Variants in TENT4B observed in about 807,000 individuals in gnomAD.
TENT4B encodes PAP associated domain containing 5.
A neutral mutation model predicts 75.0 loss-of-function variants in TENT4B; 10 were observed. That is an observed-to-expected ratio of 0.13 (90% CI 0.08 to 0.23). The LOEUF is 0.23. Among genes scored for constraint, TENT4B ranks in the 10% least tolerant of loss-of-function variants. The pLI is 1.00. For missense variants in TENT4B, 579 were observed against 893.8 expected (o/e 0.65, Z 4.49); for synonymous variants, 350 against 357.7 (o/e 0.98, Z 0.24).
chr16:50,158,191 A>C (rs1248742400), intron 1 of TENT4B, among the ~76,000 whole-genome samples: 1 of 152,108 alleles, frequency 6.6e-6, no homozygotes, highest in East Asian at 1.9e-4. Context: ...GGTTCGAGCA[A>C]TTCTCCTGCC....
chr16:50,166,237 A>G (rs939148377), intron 1 of TENT4B, among the ~76,000 whole-genome samples: 1 of 152,028 alleles, frequency 6.6e-6, no homozygotes, highest in Non-Finnish European at 1.5e-5. Context: ...GGCGCATGTC[A>G]CCATGCCTGG....
At chr16:50,152,913 C>A (rs1483148527), upstream of TENT4B, 1 of 1,464,380 alleles carries the variant, frequency 6.8e-7, no homozygotes, top group South Asian at 1.3e-5. Context: ...GGAGTGGCAC[C>A]TCCCACAACG....
intron 1 of TENT4B, among the ~76,000 whole-genome samples, chr16:50,182,994 T>G (rs888749239): frequency 7.0e-6 from 1 of 142,936 alleles, no homozygotes; most frequent in Non-Finnish European, 1.5e-5. Context: ...GCTGGGATTA[T>G]AGGTGTGCAG....
chr16:50,190,117 A>G (rs369007877), intron 1 of TENT4B, among the ~76,000 whole-genome samples: 1 of 151,384 alleles, frequency 6.6e-6, no homozygotes, highest in East Asian at 1.9e-4. Context: ...AGAAAGAAAG[A>G]AATGTATTTT....
intron 1 of TENT4B, among the ~76,000 whole-genome samples, chr16:50,159,209 T>G (rs1217486423): frequency 1.3e-5 from 2 of 151,656 alleles, no homozygotes; most frequent in Non-Finnish European, 2.9e-5. Context: ...TTTCTCTCTC[T>G]CTCTCGCTCT....
chr16:50,232,638 C>T lies in TENT4B; in HGVS notation c.*3310C>T, dbSNP rs901257666. 6 of 985,114 alleles carry T rather than the reference C, an allele frequency of 6.1e-6. No homozygotes were observed. Among genetic ancestry groups the T allele is most frequent in the African/African-American group, 1.7e-5 (1 of 57,158 alleles). 61.0% of individuals were successfully genotyped at this position (985,114 alleles called of 1,614,324 possible). On this transcript the variant is annotated 3_prime_UTR_variant, in exon 12 of 12. Coordinates refer to ENST00000561678, the MANE Select transcript of TENT4B (RefSeq NM_001365324.3). ...CAGAAAAGAGTAATGACCACCGTGACGTGCAGGATTCTCTTGCTGTGACAT... is the reference window on the plus strand; with the variant it reads ...CAGAAAAGAGTAATGACCACCGTGATGTGCAGGATTCTCTTGCTGTGACAT...
chr16:50,160,326 CTT>C (rs1449779178), intron 1 of TENT4B, among the ~76,000 whole-genome samples: 1 of 151,924 alleles, frequency 6.6e-6, no homozygotes, highest in Non-Finnish European at 1.5e-5. Flanking sequence ...TTTGTGGACT[CTT>C]TTTTAACACT....
intron 1 of TENT4B, among the ~76,000 whole-genome samples, chr16:50,185,908 A>G (rs1166250049): frequency 1.3e-5 from 2 of 152,020 alleles, no homozygotes; most frequent in African/African-American, 4.8e-5. Context: ...TTAGTACACT[A>G]TTGTCTGTAT....
At chr16:50,225,421 T>A in intron 10 of TENT4B, 136 bp downstream of exon 10, 2 of 889,948 alleles carry the variant, frequency 2.2e-6, no homozygotes, top group African/African-American at 1.7e-5. Context: ...TTCATGCTTG[T>A]ACATTTTCTC....
At chr16:50,217,526 A>G (rs2031621668) in intron 4 of TENT4B, 30 bp from the exon 5 acceptor site, 2 of 1,217,636 alleles carry the variant, frequency 1.6e-6, no homozygotes, top group African/African-American at 3.1e-5. Flanking sequence ...TGGTTAAAGC[A>G]TTTACATTTT....
chr16:50,172,277 A>C (rs2038220240), intron 1 of TENT4B, among the ~76,000 whole-genome samples: 1 of 151,660 alleles, frequency 6.6e-6, no homozygotes. Flanking sequence ...ATTGGGAGGC[A>C]GAGGTTGCAG....
chr16:50,200,697 C>T (rs1451415695), intron 1 of TENT4B, among the ~76,000 whole-genome samples: 2 of 152,042 alleles, frequency 1.3e-5, no homozygotes, highest in African/African-American at 4.8e-5. Context: ...TTTAGGTCTT[C>T]TGCCCATTTT....
rs1473265655 is a variant in TENT4B at position 50,233,589 on chromosome 16, GGCT to G, written c.*4266_*4268del. 13 of 983,472 alleles carry G rather than the reference GGCT, an allele frequency of 1.3e-5. No homozygotes were observed. The highest frequency in any genetic ancestry group is 1.4e-5 in the Non-Finnish European group (12 of 828,516). 60.9% of individuals were successfully genotyped at this position (983,472 alleles called of 1,614,324 possible). ...ATTAACCAGAAAAATTGCTTATAAA[GGCT>G]GCTGATCTATTTGATACCTAGAATT... On this transcript the variant is annotated 3_prime_UTR_variant, in exon 12 of 12. Transcript: ENST00000561678.
chr16:50,203,645 T>G (rs1380093932), intron 1 of TENT4B, among the ~76,000 whole-genome samples: 1 of 151,946 alleles, frequency 6.6e-6, no homozygotes, highest in Non-Finnish European at 1.5e-5. Flanking sequence ...GTCCTCCTTC[T>G]GGTTTTGTCA....
intron 1 of TENT4B, among the ~76,000 whole-genome samples, chr16:50,158,101 T>G (rs1003141049): frequency 2.0e-5 from 3 of 149,926 alleles, no homozygotes; most frequent in Admixed American, 2.0e-4. Context: ...ATGAATGAAT[T>G]AATGAGAGGG....
In TENT4B at chr16:50,233,642, T is replaced by TA. The variant is rs2032361807; in HGVS notation, c.*4316dup. The TA allele has an allele frequency of 1.0e-6, 1 of 983,606 alleles. No individual in the cohort carries two copies. The highest frequency in any genetic ancestry group is 1.7e-5 in the African/African-American group (1 of 57,340). 60.9% of individuals were successfully genotyped at this position (983,606 alleles called of 1,614,324 possible). ...TAAATATTTGAGGACAGTTTTTAGTTAATAAACTGCTAATGTTTATTTTAC... is the reference window on the plus strand; with the variant it reads ...TAAATATTTGAGGACAGTTTTTAGTTAAATAAACTGCTAATGTTTATTTTAC... On this transcript the variant is annotated 3_prime_UTR_variant, in exon 12 of 12. Coordinates refer to ENST00000561678, the MANE Select transcript of TENT4B (RefSeq NM_001365324.3).
rs190250198 is a variant in TENT4B, at chr16:50,195,559, T to G, written c.639-15764T>G. Among the ~76,000 whole-genome samples, 287 of 152,350 alleles carry G rather than the reference T, an allele frequency of 1.9e-3. 2 individuals are homozygous for G. The highest frequency in any genetic ancestry group is 6.0e-3 in the African/African-American group (249 of 41,582). On this transcript the variant is annotated intron_variant, in intron 1 of 11. Transcript: ENST00000561678. Reference sequence around the variant, plus strand: ...ACTGGACAATTATGGGTGTGTTTAATGATGGTCCTGAGTCATGAAAACAAA... The same window carrying G: ...ACTGGACAATTATGGGTGTGTTTAAGGATGGTCCTGAGTCATGAAAACAAA...
intron 1 of TENT4B, among the ~76,000 whole-genome samples, chr16:50,202,451 G>C (rs1192970708): frequency 1.3e-5 from 2 of 152,076 alleles, no homozygotes; most frequent in East Asian, 3.8e-4. Flanking sequence ...ACTTTTTATT[G>C]GCATTTGGAC....
chr16:50,214,530 C>T (rs571892885), intron 3 of TENT4B, among the ~76,000 whole-genome samples: 21 of 152,222 alleles, frequency 1.4e-4, no homozygotes, highest in African/African-American at 4.8e-4. Flanking sequence ...GCAGTGCGCA[C>T]CTGTAATCCC....
Sources: gnomAD v4.1 joint callset for allele counts (sites outside exome capture counted in the v4.1 genomes callset) on GRCh38, gnomAD v4.1.1 for gene constraint, MANE v1.5 for transcripts, NCBI Gene and HGNC (gene_info 2026-07-23, HGNC 2026-07-21) for gene names.